The following FHL2 variants were observed in gnomAD, a reference collection of about 807,000 sequenced individuals.
FHL2 encodes the protein four and a half LIM domains 2.
FHL2 carries 20 observed loss-of-function variants against 32.7 expected under a neutral mutation model. That is an observed-to-expected ratio of 0.61 (90% CI 0.43 to 0.89). The LOEUF (loss-of-function observed/expected upper bound fraction) is 0.89. FHL2 is among the 40% of genes least tolerant of loss of function. FHL2 has a pLI of 0.00. For missense variants in FHL2, 311 were observed against 358.6 expected, an observed-to-expected ratio of 0.87 and a Z score of 1.07; for synonymous variants, 123 against 128.1, an observed-to-expected ratio of 0.96 and a Z score of 0.27.
chr2:105,377,957 G>A, intron 3 of FHL2: 2 of 437,686 alleles, frequency 4.6e-6, no homozygotes, highest in African/African-American at 2.0e-5. Context: ...AGAGGGAAGA[G>A]AAATACAATT....
chr2:105,374,074 C>T (rs1219302928), intron 3 of FHL2: 2 of 328,742 alleles, frequency 6.1e-6, no homozygotes, highest in Non-Finnish European at 1.2e-5. Context: ...ATTCGTCTCA[C>T]ACCACATCCG....
intron 1 of FHL2, among the ~76,000 whole-genome samples, chr2:105,426,197 A>C (rs1684264807): frequency 6.6e-6 from 1 of 152,170 alleles, no homozygotes; most frequent in African/African-American, 2.4e-5. Context: ...GCTCTTGGAA[A>C]AACAGGTTCT....
chr2:105,367,965 C>T (rs535004121), intron 4 of FHL2, among the ~76,000 whole-genome samples: 3 of 152,188 alleles, frequency 2.0e-5, no homozygotes, highest in Non-Finnish European at 4.4e-5. Flanking sequence ...AACACGTGTA[C>T]ATTTTAGGCA....
At chr2:105,429,994 T>C (rs1244957019) in intron 1 of FHL2, among the ~76,000 whole-genome samples, 1 of 152,170 alleles carries the variant, frequency 6.6e-6, no homozygotes, top group Non-Finnish European at 1.5e-5. Flanking sequence ...TTCTGGGAAG[T>C]TAAAATCTTG....
intron 3 of FHL2, among the ~76,000 whole-genome samples, chr2:105,377,166 T>G (rs1481162926): frequency 6.6e-6 from 1 of 152,206 alleles, no homozygotes; most frequent in Non-Finnish European, 1.5e-5. Flanking sequence ...AATGGAATAC[T>G]AGGCGTAAAT....
chr2:105,362,546 G>A (rs1184707301), intron 6 of FHL2, among the ~76,000 whole-genome samples: 1 of 152,186 alleles, frequency 6.6e-6, no homozygotes, highest in East Asian at 1.9e-4. Flanking sequence ...TGATAGGAAC[G>A]AACCAGTCAA....
At chr2:105,420,876 C>T (rs72836934) in intron 1 of FHL2, among the ~76,000 whole-genome samples, 46,833 of 152,096 alleles carry the variant, frequency 0.31, 7,801 homozygotes, top group Middle Eastern at 0.5. Context: ...GAATGCTTCT[C>T]GCCTGCTGCT....
chr2:105,365,927 AG>A (rs1478522732), intron 5 of FHL2, among the ~76,000 whole-genome samples: 71 of 152,212 alleles, frequency 4.7e-4, no homozygotes, highest in African/African-American at 1.7e-3. Context: ...AAATGGGGCC[AG>A]GCATGGTGGC....
At chr2:105,438,224 G>A (rs1264939418) in intron 1 of FHL2, among the ~76,000 whole-genome samples, 2 of 152,188 alleles carry the variant, frequency 1.3e-5, no homozygotes, top group Non-Finnish European at 2.9e-5. Flanking sequence ...GGAGCCAGCT[G>A]CCAGCAACAC....
chr2:105,386,881 C>T lies in FHL2; in HGVS notation c.-24-341G>A, dbSNP rs889622827. On this transcript the variant is annotated intron_variant, in intron 2 of 6. Coordinates refer to ENST00000530340, the MANE Select transcript of FHL2 (RefSeq NM_001318895.3). ...CCAGGTTCAAGTGATTCTCCTGCCT[C>T]AGCCTCCCAAGTAGCTGAGATTACA... 1.9e-4 allele frequency among the ~76,000 whole-genome samples: 28 copies of T among 150,098 alleles called. No homozygotes were observed. In the Admixed American group the frequency reaches 1.9e-3, roughly 10 times the overall value.
At position 105,386,228 on chromosome 2, in the gene FHL2, G is replaced by A. The variant is rs532711887; in HGVS notation, c.156+133C>T. The A allele has an allele frequency of 1.4e-4, 136 of 955,276 alleles. 1 individual carries two copies. The African/African-American group carries it at 2.0e-3, about 14-fold the overall frequency. The allele number at this position is 955,276 out of a possible 1,614,324, so 59.2% of individuals were successfully genotyped here. A position where few individuals can be genotyped will look rare whatever the true frequency, so the allele number is the denominator to read the frequency against. On this transcript the variant is annotated intron_variant, in intron 3 of 6. Coordinates refer to ENST00000530340, the MANE Select transcript of FHL2 (RefSeq NM_001318895.3). ...GGAAGAAGCTTCCGAAAGGCTACACGCAGGGTCCACGCCCCTCAGAGGGGG... is the reference window on the plus strand; with the variant it reads ...GGAAGAAGCTTCCGAAAGGCTACACACAGGGTCCACGCCCCTCAGAGGGGG...
intron 1 of FHL2, among the ~76,000 whole-genome samples, chr2:105,421,374 T>G (rs1026535625): frequency 1.4e-5 from 2 of 147,240 alleles, no homozygotes; most frequent in Non-Finnish European, 3.0e-5. Context: ...GTGTAGATGC[T>G]GGGTGGAGTA....
chr2:105,363,338 C>T lies in FHL2; in HGVS notation c.635G>A (p.Cys212Tyr). The change falls in exon 6 of 7, where the codon TGC (cysteine) becomes TAC (tyrosine). Residue 212 changes from cysteine (C) to tyrosine (Y), a missense_variant. Cys to Tyr is a radical substitution (Grantham distance 194). Coordinates refer to ENST00000530340, the MANE Select transcript of FHL2 (RefSeq NM_001318895.3). ...CTTCTTGGCATACAAGTCACAGAAG[C>T]AGTTCAGGCAGTAGGCAAAGTCATC... Reference protein sequence around the residue: ...ARDDFAYCLNCFCDLYAKKCA... With the variant: ...ARDDFAYCLNYFCDLYAKKCA... 6.2e-7 allele frequency: 1 copy of T among 1,614,182 alleles called. No individual in the cohort carries two copies. The highest frequency in any genetic ancestry group is 1.1e-5 in the South Asian group (1 of 91,078).
At chr2:105,410,310 G>T (rs576572188) in intron 1 of FHL2, among the ~76,000 whole-genome samples, 5 of 152,310 alleles carry the variant, frequency 3.3e-5, no homozygotes, top group Admixed American at 1.3e-4. Flanking sequence ...GGCCTCACTT[G>T]CACACCAGCT....
intron 1 of FHL2, among the ~76,000 whole-genome samples, chr2:105,433,182 CT>C (rs758782839): frequency 1.5e-3 from 149 of 102,572 alleles, no homozygotes; most frequent in Admixed American, 1.7e-3. Flanking sequence ...TCTTCTTCTT[CT>C]TTTTTTTTTT....
At chr2:105,386,258 A>C in intron 3 of FHL2, 103 bp downstream of exon 3, 2 of 1,378,182 alleles carry the variant, frequency 1.5e-6, no homozygotes, top group Non-Finnish European at 2.0e-6. Flanking sequence ...AGGGGGCTCA[A>C]GAGACAGACT....
intron 1 of FHL2, among the ~76,000 whole-genome samples, chr2:105,414,148 A>G (rs1683868057): frequency 6.6e-6 from 1 of 152,198 alleles, no homozygotes; most frequent in African/African-American, 2.4e-5. Context: ...TTTACCATGT[A>G]TTATGAAGAT....
At chr2:105,401,870 T>C (rs1229731999), upstream of FHL2, among the ~76,000 whole-genome samples, 2 of 151,958 alleles carry the variant, frequency 1.3e-5, no homozygotes, top group African/African-American at 4.8e-5. Flanking sequence ...AGCGGTTGCT[T>C]CTGGGGAGAT....
At chr2:105,363,165 T>C in intron 6 of FHL2, 120 bp downstream of exon 6, 2 of 891,028 alleles carry the variant, frequency 2.2e-6, no homozygotes, top group Non-Finnish European at 3.5e-6. Context: ...AAGTCTGCTG[T>C]GTTCAGAGCC....
Sources: gnomAD v4.1 joint callset for allele counts (sites outside exome capture counted in the v4.1 genomes callset) on GRCh38, gnomAD v4.1.1 for gene constraint, MANE v1.5 for transcripts, NCBI Gene and HGNC (gene_info 2026-07-23, HGNC 2026-07-21) for gene names.